PI15: variants seen among roughly 807,000 people sequenced by gnomAD.
PI15 encodes 25 kDa trypsin inhibitor.
In PI15, 18 loss-of-function variants were observed where a neutral mutation model predicts 31.0. The observed-to-expected ratio is 0.58, with a 90% CI of 0.40 to 0.86. The LOEUF (loss-of-function observed/expected upper bound fraction) is 0.86. PI15 is among the 40% of genes least tolerant of loss of function. The pLI, the probability that PI15 is intolerant of heterozygous loss-of-function variation, is 0.00. For missense variants in PI15, 282 were observed against 328.1 expected (o/e 0.86, Z 1.09); for synonymous variants, 118 against 119.1 (o/e 0.99, Z 0.06).
At chr8:74,845,018 T>C (rs1366948391) in intron 3 of PI15, 110 bp from the exon 4 acceptor site, 2 of 927,960 alleles carry the variant, frequency 2.2e-6, no homozygotes, top group Non-Finnish European at 1.7e-6. Context: ...GATGTGCTCT[T>C]GGATCATCAT....
chr8:74,849,134 G>A lies in PI15; in HGVS notation c.658G>A (p.Glu220Lys). Residue 220 changes from glutamate to lysine, a missense_variant, in exon 6 of 6, where the codon GAA (glutamate) becomes AAA (lysine). Transcript: ENST00000260113. ...NYAPKGNWIG[E>K]APYKVGVPCS... ...CCCTTCTAGGGGCAATTGGATTGGA[G>A]AAGCACCATATAAAGTAGGGGTACC... 6.2e-7 allele frequency: 1 copy of A among 1,612,692 alleles called. No homozygotes were observed. Among genetic ancestry groups the A allele is most frequent in the South Asian group, 1.1e-5 (1 of 90,856 alleles).
At chr8:74,830,629 TA>T (rs1468446552) in intron 2 of PI15, among the ~76,000 whole-genome samples, 1 of 152,142 alleles carries the variant, frequency 6.6e-6, no homozygotes, top group Admixed American at 6.6e-5. Flanking sequence ...GTGGAAAAGG[TA>T]AACTACTTTT....
chr8:74,839,119 C>A (rs1291776384), intron 2 of PI15, among the ~76,000 whole-genome samples: 2 of 152,164 alleles, frequency 1.3e-5, no homozygotes, highest in Admixed American at 6.6e-5. Flanking sequence ...TTTCATATTC[C>A]TTCTATCTTT....
At chr8:74,827,378 T>G (rs1810714698) in intron 2 of PI15, among the ~76,000 whole-genome samples, 1 of 152,120 alleles carries the variant, frequency 6.6e-6, no homozygotes, top group Non-Finnish European at 1.5e-5. Flanking sequence ...AAAAGCCACA[T>G]TTTTTCTAGC....
In PI15 at chr8:74,826,351, C is replaced by A. The variant is rs543107597; in HGVS notation, c.273+829C>A. 2.3e-5 allele frequency: 21 copies of A among 910,616 alleles called. No individual in the cohort carries two copies. In the South Asian group the frequency reaches 1.0e-3, roughly 44 times the overall value. 56.4% of individuals were successfully genotyped at this position (910,616 alleles called of 1,614,324 possible). A position where few individuals can be genotyped will look rare whatever the true frequency, so the allele number is the denominator to read the frequency against. On this transcript the variant is annotated intron_variant, in intron 2 of 5. Transcript: ENST00000260113. ...ATGAAGACCATCAATATGGTATTTC[C>A]AAATTGGGGTGAGGGGAGGGGGTAC... is the stretch of plus-strand genomic sequence containing the variant.
chr8:74,840,572 G>A (rs545465194), intron 2 of PI15, among the ~76,000 whole-genome samples: 2 of 152,226 alleles, frequency 1.3e-5, no homozygotes, highest in East Asian at 3.9e-4. Context: ...AGGATATGAT[G>A]TAATTCCCAA....
chr8:74,842,462 C>T (rs1382178743), intron 2 of PI15, among the ~76,000 whole-genome samples: 2 of 151,830 alleles, frequency 1.3e-5, no homozygotes, highest in Admixed American at 1.3e-4. Flanking sequence ...ACTATGAAAC[C>T]AATTTTAAAA....
intron 2 of PI15, among the ~76,000 whole-genome samples, chr8:74,835,378 G>C (rs1229118169): frequency 1.3e-5 from 2 of 152,112 alleles, no homozygotes; most frequent in Non-Finnish European, 2.9e-5. Context: ...GATTGAGCTA[G>C]ACATCTGCCT....
At chr8:74,826,674 T>G (rs1158075862) in intron 2 of PI15, among the ~76,000 whole-genome samples, 1 of 152,110 alleles carries the variant, frequency 6.6e-6, no homozygotes, top group East Asian at 1.9e-4. Flanking sequence ...ATAATCTAAA[T>G]GCTTGGGTTT....
intron 2 of PI15, among the ~76,000 whole-genome samples, chr8:74,826,537 A>T (rs990288267): frequency 6.6e-6 from 1 of 152,152 alleles, no homozygotes; most frequent in Admixed American, 6.6e-5. Context: ...ACAGAGTCAC[A>T]GTTCATAGAA....
intron 2 of PI15, among the ~76,000 whole-genome samples, chr8:74,838,163 T>C (rs1810896277): frequency 6.6e-6 from 1 of 152,010 alleles, no homozygotes; most frequent in South Asian, 2.1e-4. Context: ...GTTATATAAT[T>C]CTAAGAAATG....
Position 74,849,183 on chromosome 8 carries a change from A to G in PI15, c.707A>G (p.Tyr236Cys). The change falls in exon 6 of 6, where the codon TAT becomes TGT. Residue 236 changes from tyrosine to cysteine, a missense_variant. Tyr to Cys is a radical substitution (Grantham distance 194, BLOSUM62 -2). Transcript: ENST00000260113. ...CCATGTTCATCTTGTCCTCCAAGTT[A>G]TGGGGGATCTTGTACTGACAATCTG... ...GVPCSSCPPS[Y>C]GGSCTDNLCF... 6.2e-7 allele frequency: 1 copy of G among 1,609,754 alleles called. No homozygotes were observed. Among genetic ancestry groups the G allele is most frequent in the East Asian group, 2.2e-5 (1 of 44,794 alleles).
chr8:74,845,345 C>G (rs1420015715), intron 4 of PI15, 37 bp from the exon 5 acceptor site: 1 of 1,588,912 alleles, frequency 6.3e-7, no homozygotes, highest in South Asian at 1.1e-5. Context: ...TGTCTTAGCT[C>G]TGACTTCTGT....
At chr8:74,838,643 A>G (rs1396358660) in intron 2 of PI15, among the ~76,000 whole-genome samples, 1 of 151,790 alleles carries the variant, frequency 6.6e-6, no homozygotes, top group African/African-American at 2.4e-5. Flanking sequence ...TTTAGCTCCC[A>G]CTTATAAGTG....
rs1202637587 is a variant in PI15 at position 74,852,233 on chromosome 8, A to C, written c.*2980A>C. On this transcript the variant is annotated 3_prime_UTR_variant, in exon 6 of 6. Transcript: ENST00000260113. ...CATCATCGATCCTCTCTGTGGTGTT[A>C]ATTTTTTTATATGACCAGTAGAAAA... 6.6e-6 allele frequency: 1 copy of C among 152,132 alleles called. No individual in the cohort carries two copies. The highest frequency in any genetic ancestry group is 1.5e-5 in the Non-Finnish European group (1 of 67,954). The allele number at this position is 152,132 out of a possible 1,614,324, so 9.4% of individuals were successfully genotyped here.
chr8:74,830,152 A>G (rs1810760860), intron 2 of PI15, among the ~76,000 whole-genome samples: 2 of 152,096 alleles, frequency 1.3e-5, no homozygotes, highest in African/African-American at 4.8e-5. Context: ...CTGCTCCAAC[A>G]TAAAGTGGCA....
chr8:74,833,777 T>C (rs1586953488), intron 2 of PI15, among the ~76,000 whole-genome samples: 1 of 152,282 alleles, frequency 6.6e-6, no homozygotes, highest in South Asian at 2.1e-4. Flanking sequence ...CCCAAGGTCA[T>C]AGAGCAAGTA....
At chr8:74,843,468 C>T (rs1810973573) in intron 2 of PI15, among the ~76,000 whole-genome samples, 1 of 152,186 alleles carries the variant, frequency 6.6e-6, no homozygotes, top group Non-Finnish European at 1.5e-5. Context: ...TGGCTCATGC[C>T]TGTAATCCCC....
At chr8:74,833,805 C>T (rs1283279419) in intron 2 of PI15, among the ~76,000 whole-genome samples, 1 of 152,150 alleles carries the variant, frequency 6.6e-6, no homozygotes, top group Non-Finnish European at 1.5e-5. Flanking sequence ...ATGTTAAGAA[C>T]ACAATTCTAT....
Sources: allele counts gnomAD v4.1 joint callset (sites outside exome capture counted in the v4.1 genomes callset), GRCh38; gene constraint gnomAD v4.1.1; transcripts MANE v1.5; gene names NCBI Gene and HGNC (gene_info 2026-07-23, HGNC 2026-07-21).